GTSE1: variants seen among roughly 807,000 people sequenced by gnomAD.
The protein encoded by GTSE1 is G2 and S-phase expressed 1.
Under a neutral mutation model 60.5 loss-of-function variants are expected in GTSE1, and 52 were observed. The observed-to-expected ratio is 0.86, with a 90% CI of 0.69 to 1.08. The LOEUF (loss-of-function observed/expected upper bound fraction) is 1.08, where lower values mean the gene tolerates loss of function less well. Among genes scored for constraint, GTSE1 ranks in the 50% least tolerant of loss-of-function variants. The pLI, the probability that GTSE1 is intolerant of heterozygous loss-of-function variation, is 0.00. For missense variants in GTSE1, 937 were observed against 961.8 expected (o/e 0.97, Z 0.34); for synonymous variants, 368 against 386.5 (o/e 0.95, Z 0.56).
chr22:46,330,347 T>C lies in GTSE1; in HGVS notation c.*217T>C. ...AAATACAAAAATTAGCCGGGTGTGG[T>C]AGTGCATGCCTGTAGTCCCAGCTAC... On this transcript the variant is annotated 3_prime_UTR_variant, in exon 12 of 12. Coordinates refer to ENST00000454366, the MANE Select transcript of GTSE1 (RefSeq NM_016426.7). The surrounding 1 kb of genome is among the most constrained non-coding windows in gnomAD (Gnocchi z 6.0). 1 of 486,776 alleles carries C rather than the reference T, an allele frequency of 2.1e-6. No individual in the cohort carries two copies. 30.2% of individuals were successfully genotyped at this position (486,776 alleles called of 1,614,324 possible). A position where few individuals can be genotyped will look rare whatever the true frequency, so the allele number is the denominator to read the frequency against.
Position 46,318,484 on chromosome 22 carries a change from T to G in GTSE1, c.1432+2072T>G, listed in dbSNP as rs2077793482. On this transcript the variant is annotated intron_variant, in intron 7 of 11. Coordinates refer to ENST00000454366, the MANE Select transcript of GTSE1 (RefSeq NM_016426.7). This position sits in a 1 kb window ranked among gnomAD's most constrained non-coding sequence, Gnocchi z 4.8. ...GGAAAAGATACGAAATGTTATCAGA[T>G]GAGCAGGCCTGCAGATCCTAGCACA... Among the ~76,000 whole-genome samples the G allele has an allele frequency of 6.6e-6, 1 of 152,166 alleles. No individual in the cohort carries two copies.
At chr22:46,298,466 C>A (rs1232047126) in intron 2 of GTSE1, among the ~76,000 whole-genome samples, 1 of 152,040 alleles carries the variant, frequency 6.6e-6, no homozygotes, top group East Asian at 1.9e-4. Flanking sequence ...CGCCACCACA[C>A]CTGGCTGATT....
intron 2 of GTSE1, among the ~76,000 whole-genome samples, chr22:46,301,882 A>G (rs1415046320): frequency 6.6e-6 from 1 of 151,906 alleles, no homozygotes; most frequent in Non-Finnish European, 1.5e-5. Context: ...TCATCCCAAC[A>G]CTTTGGGAGG....
Position 46,329,949 on chromosome 22 carries a change from T to C in GTSE1, c.2137-98T>C, listed in dbSNP as rs2147836362. ...GTGCACCCGAGCCAGGATGAGCGAG[T>C]GGCTGTGATGACCCACGCAGCCAGT... On this transcript the variant is annotated intron_variant, in intron 11 of 11. Coordinates refer to ENST00000454366, the MANE Select transcript of GTSE1 (RefSeq NM_016426.7). The surrounding 1 kb of genome is among the most constrained non-coding windows in gnomAD (Gnocchi z 6.4). 1.3e-6 allele frequency: 1 copy of C among 766,350 alleles called. No individual in the cohort carries two copies. Among genetic ancestry groups the C allele is most frequent in the Non-Finnish European group, 2.3e-6 (1 of 426,288 alleles). 47.5% of individuals were successfully genotyped at this position (766,350 alleles called of 1,614,324 possible).
rs201925391 is a variant in GTSE1, at chr22:46,329,666, G to T, written c.2136+99G>T. On this transcript the variant is annotated intron_variant, in intron 11 of 11. Coordinates refer to ENST00000454366, the MANE Select transcript of GTSE1 (RefSeq NM_016426.7). This position sits in a 1 kb window ranked among gnomAD's most constrained non-coding sequence, Gnocchi z 6.4. ...GGCCATCGTGGGACCCTTGAGAGTG[G>T]CTGTTGAGTCTTCTCAGCTACACAC... is the stretch of plus-strand genomic sequence containing the variant. 5.6e-5 allele frequency: 51 copies of T among 915,242 alleles called. No homozygotes were observed. Among genetic ancestry groups the T allele is most frequent in the East Asian group, 4.3e-4 (17 of 39,338 alleles). The allele number at this position is 915,242 out of a possible 1,614,324, so 56.7% of individuals were successfully genotyped here.
chr22:46,309,731 G>A lies in GTSE1; in HGVS notation c.762+788G>A, dbSNP rs1008840281. ...GCCAAGGATGGAAGGCAGCCGAGGT[G>A]CAGCCGCCACGCCACACACTGCCCT... On this transcript the variant is annotated intron_variant, in intron 4 of 11. Transcript: ENST00000454366. This position sits in a 1 kb window ranked among gnomAD's most constrained non-coding sequence, Gnocchi z 6.2. Among the ~76,000 whole-genome samples, 1 of 152,226 alleles carries A rather than the reference G, an allele frequency of 6.6e-6. No homozygotes were observed. Among genetic ancestry groups the A allele is most frequent in the Non-Finnish European group, 1.5e-5 (1 of 68,044 alleles).
intron 3 of GTSE1, 37 bp from the exon 4 acceptor site, chr22:46,308,282 T>C (rs2077726477): frequency 6.2e-7 from 1 of 1,608,776 alleles, no homozygotes; most frequent in African/African-American, 1.3e-5. Flanking sequence ...AATGCCAGTG[T>C]TATGAGTTAT....
chr22:46,300,971 C>T (rs939386951), intron 2 of GTSE1, among the ~76,000 whole-genome samples: 8 of 152,214 alleles, frequency 5.3e-5, no homozygotes, highest in Non-Finnish European at 1.0e-4. Flanking sequence ...CAAGCCAACA[C>T]GCATAGAGTG....
intron 4 of GTSE1, among the ~76,000 whole-genome samples, chr22:46,311,882 T>A (rs2077750419): frequency 6.6e-6 from 1 of 152,222 alleles, no homozygotes; most frequent in South Asian, 2.1e-4. Context: ...AGAGAACCTC[T>A]CTCCTATTAA....
chr22:46,325,752 G>T (rs1463804854), intron 8 of GTSE1, among the ~76,000 whole-genome samples: 1 of 152,198 alleles, frequency 6.6e-6, no homozygotes, highest in Non-Finnish European at 1.5e-5. Flanking sequence ...CACCTTGGGG[G>T]CTAGGATTTC....
rs1396267771 is a variant in GTSE1, at chr22:46,304,831, T to C, written c.80-3319T>C. ...CCATCTCTACAAAAAATACAAATAT[T>C]AGCCAGGGATGGTTGTGCGTGCCTG... On this transcript the variant is annotated intron_variant, in intron 2 of 11. Coordinates refer to ENST00000454366, the MANE Select transcript of GTSE1 (RefSeq NM_016426.7). This position sits in a 1 kb window ranked among gnomAD's most constrained non-coding sequence, Gnocchi z 4.4. Among the ~76,000 whole-genome samples, 1 of 152,062 alleles carries C rather than the reference T, an allele frequency of 6.6e-6. No individual in the cohort carries two copies. Among genetic ancestry groups the C allele is most frequent in the African/African-American group, 2.4e-5 (1 of 41,404 alleles).
intron 2 of GTSE1, among the ~76,000 whole-genome samples, chr22:46,301,832 A>C (rs2077691023): frequency 1.3e-5 from 2 of 152,134 alleles, no homozygotes; most frequent in South Asian, 4.1e-4. Flanking sequence ...CTTGCCATCT[A>C]TTTAAGAATG....
chr22:46,305,098 G>T (rs2077708744), intron 2 of GTSE1, among the ~76,000 whole-genome samples: 1 of 152,028 alleles, frequency 6.6e-6, no homozygotes, highest in South Asian at 2.1e-4. Flanking sequence ...AAGTTGGAAA[G>T]TTTTTTTTCT....
chr22:46,310,039 G>A lies in GTSE1; in HGVS notation c.762+1096G>A, dbSNP rs985280666. ...TGGTGAGCTGGGGTCCAGAGAGCTT[G>A]TTCCCAGTGGACAGGGCACTGTCCG... On this transcript the variant is annotated intron_variant, in intron 4 of 11. Transcript: ENST00000454366. This position sits in a 1 kb window ranked among gnomAD's most constrained non-coding sequence, Gnocchi z 4.4. Among the ~76,000 whole-genome samples the A allele has an allele frequency of 2.0e-5, 3 of 152,222 alleles. No homozygotes were observed. Among genetic ancestry groups the A allele is most frequent in the African/African-American group, 4.8e-5 (2 of 41,462 alleles).
intron 9 of GTSE1, among the ~76,000 whole-genome samples, 181 bp from the exon 10 acceptor site, chr22:46,328,507 C>G (rs766823343): frequency 6.6e-6 from 1 of 152,194 alleles, no homozygotes; most frequent in Non-Finnish European, 1.5e-5. Context: ...CTGAGAGGAA[C>G]TGGAGAGATC....
chr22:46,313,602 G>A lies in GTSE1; in HGVS notation c.928-288G>A, dbSNP rs964891167. On this transcript the variant is annotated intron_variant, in intron 5 of 11. Transcript: ENST00000454366. This position sits in a 1 kb window ranked among gnomAD's most constrained non-coding sequence, Gnocchi z 4.4. ...CAGCTCACTACAACCTCCACCTCCC[G>A]GGTTCAAGCAATTCTCCTACCTCAG... Among the ~76,000 whole-genome samples the A allele has an allele frequency of 2.7e-4, 41 of 152,244 alleles. No individual in the cohort carries two copies. Among genetic ancestry groups the A allele is most frequent in the Non-Finnish European group, 4.7e-4 (32 of 68,012 alleles).
chr22:46,297,365 C>A lies in GTSE1; in HGVS notation c.-21-15C>A. The A allele has an allele frequency of 6.8e-7, 1 of 1,468,584 alleles. No homozygotes were observed. Among genetic ancestry groups the A allele is most frequent in the Non-Finnish European group, 9.5e-7 (1 of 1,047,450 alleles). The allele number at this position is 1,468,584 out of a possible 1,614,324, so 91.0% of individuals were successfully genotyped here. ...CTGACACGTACTCACTTTCTGGCCC[C>A]GTTCCACCCTGCAGTGACTTCTGAC... On this transcript the variant is annotated splice_polypyrimidine_tract_variant and intron_variant, in intron 1 of 11. Transcript: ENST00000454366. This position sits in a 1 kb window ranked among gnomAD's most constrained non-coding sequence, Gnocchi z 4.9.
At chr22:46,311,936 C>A (rs935358482) in intron 4 of GTSE1, among the ~76,000 whole-genome samples, 1 of 152,178 alleles carries the variant, frequency 6.6e-6, no homozygotes, top group Non-Finnish European at 1.5e-5. Flanking sequence ...AATGAGGAAG[C>A]AAAATCCATC....
chr22:46,329,636 C>T lies in GTSE1; in HGVS notation c.2136+69C>T. ...CCTCAGTTCTGGGATTGTTCATCCT[C>T]CCAGGGCCATCGTGGGACCCTTGAG... On this transcript the variant is annotated intron_variant, in intron 11 of 11. Coordinates refer to ENST00000454366, the MANE Select transcript of GTSE1 (RefSeq NM_016426.7). The surrounding 1 kb of genome is among the most constrained non-coding windows in gnomAD (Gnocchi z 6.4). 1 of 1,262,494 alleles carries T rather than the reference C, an allele frequency of 7.9e-7. No individual in the cohort carries two copies. The highest frequency in any genetic ancestry group is 2.3e-4 in the Middle Eastern group (1 of 4,392). 78.2% of individuals were successfully genotyped at this position (1,262,494 alleles called of 1,614,324 possible). A position where few individuals can be genotyped will look rare whatever the true frequency, so the allele number is the denominator to read the frequency against.
Sources: gnomAD v4.1 joint callset for allele counts (sites outside exome capture counted in the v4.1 genomes callset) on GRCh38, gnomAD v4.1.1 for gene constraint, Gnocchi (gnomAD v3.1) non-coding constraint, MANE v1.5 for transcripts, NCBI Gene and HGNC (gene_info 2026-07-23, HGNC 2026-07-21) for gene names.